Variants in FBXL7 observed in about 807,000 individuals in gnomAD.
FBXL7 encodes F-box and leucine rich repeat protein 7, also known as F-box/LRR-repeat protein 7.
Under a neutral mutation model 38.3 loss-of-function variants are expected in FBXL7, and 12 were observed. The observed-to-expected ratio is 0.31, with a 90% CI of 0.20 to 0.51. The LOEUF is 0.51. FBXL7 is among the 20% of genes least tolerant of loss of function. The pLI is 0.98. For synonymous variants in FBXL7, 297 were observed against 300.9 expected (o/e 0.99, Z 0.13); for missense variants, 567 against 676.4 (o/e 0.84, Z 1.79).
chr5:15,610,309 G>A (rs1035478665), intron 1 of FBXL7, among the ~76,000 whole-genome samples: 1 of 152,126 alleles, frequency 6.6e-6, no homozygotes, highest in Non-Finnish European at 1.5e-5. Context: ...CCCCTCCTGT[G>A]CCTCTCTTGC....
chr5:15,537,481 G>C lies in FBXL7; in HGVS notation c.37+36768G>C, dbSNP rs867674901. On this transcript the variant is annotated intron_variant, in intron 1 of 3. Transcript: ENST00000504595. ...AGCTAAAAAGGATTGTGTTATTGAA[G>C]ATTAAAAGAGAATACAAAAGTGGAT... is the stretch of plus-strand genomic sequence containing the variant. Among the ~76,000 whole-genome samples, 6 of 152,194 alleles carry C rather than the reference G, an allele frequency of 3.9e-5. No homozygotes were observed. In the East Asian group the frequency reaches 9.6e-4, roughly 24 times the overall value.
intron 2 of FBXL7, among the ~76,000 whole-genome samples, chr5:15,640,530 T>C (rs1415680103): frequency 7.0e-6 from 1 of 142,194 alleles, no homozygotes; most frequent in Non-Finnish European, 1.5e-5. Flanking sequence ...TTGTTTTTTT[T>C]TGTTTTTTTT....
At chr5:15,625,419 C>T (rs916646249) in intron 2 of FBXL7, among the ~76,000 whole-genome samples, 3 of 152,152 alleles carry the variant, frequency 2.0e-5, no homozygotes, top group Middle Eastern at 3.4e-3. Context: ...TTTGGGAAGC[C>T]GAGGTGGCCG....
intron 2 of FBXL7, among the ~76,000 whole-genome samples, chr5:15,621,075 A>G (rs1181082627): frequency 6.6e-6 from 1 of 152,176 alleles, no homozygotes; most frequent in Non-Finnish European, 1.5e-5. Flanking sequence ...GTTTTAATTC[A>G]TGAGAGAATG....
At chr5:15,897,929 T>A (rs1339358217) in intron 2 of FBXL7, among the ~76,000 whole-genome samples, 1 of 152,216 alleles carries the variant, frequency 6.6e-6, no homozygotes, top group Non-Finnish European at 1.5e-5. Flanking sequence ...GCCATCACTA[T>A]CAATATATTT....
At chr5:15,508,273 G>A (rs189683581) in intron 1 of FBXL7, among the ~76,000 whole-genome samples, 33 of 152,246 alleles carry the variant, frequency 2.2e-4, no homozygotes, top group African/African-American at 7.7e-4. Flanking sequence ...GGTACTCACA[G>A]TACAGGTTCT....
chr5:15,647,526 G>A (rs1741570364), intron 2 of FBXL7, among the ~76,000 whole-genome samples: 1 of 152,180 alleles, frequency 6.6e-6, no homozygotes, highest in South Asian at 2.1e-4. Flanking sequence ...GGGGAGTGGA[G>A]TGCTAATCCA....
chr5:15,916,168 A>G (rs951839325), intron 2 of FBXL7, among the ~76,000 whole-genome samples: 1 of 152,208 alleles, frequency 6.6e-6, no homozygotes, highest in African/African-American at 2.4e-5. Context: ...CCATGGAATC[A>G]TTCTATGCCT....
chr5:15,864,178 G>C (rs1051280037), intron 2 of FBXL7, among the ~76,000 whole-genome samples: 2 of 151,948 alleles, frequency 1.3e-5, no homozygotes, highest in Non-Finnish European at 2.9e-5. Flanking sequence ...AGTTGTAGGT[G>C]GTTCCCTATC....
In FBXL7 at chr5:15,656,891, A is replaced by G. The variant is rs560594735; in HGVS notation, c.127+40819A>G. The stretch of plus-strand genomic sequence containing the variant: ...ATCAATCTGGAAATGACTTATGTAA[A>G]TTGTAGCCTGTATAGTAGAATCAAA... On this transcript the variant is annotated intron_variant, in intron 2 of 3. Coordinates refer to ENST00000504595, the MANE Select transcript of FBXL7 (RefSeq NM_012304.5). 3.3e-5 allele frequency among the ~76,000 whole-genome samples: 5 copies of G among 152,296 alleles called. No homozygotes were observed. The South Asian group carries it at 6.2e-4, about 19-fold the overall frequency.
At chr5:15,589,610 T>G (rs1739411026) in intron 1 of FBXL7, among the ~76,000 whole-genome samples, 1 of 152,188 alleles carries the variant, frequency 6.6e-6, no homozygotes, top group African/African-American at 2.4e-5. Flanking sequence ...TAATACAGTA[T>G]TTGTGCATAA....
chr5:15,755,630 A>G (rs1386282225), intron 2 of FBXL7, among the ~76,000 whole-genome samples: 1 of 152,222 alleles, frequency 6.6e-6, no homozygotes, highest in Non-Finnish European at 1.5e-5. Context: ...AATTTAACCG[A>G]AAACAGTTTT....
chr5:15,633,672 G>A (rs1210042731), intron 2 of FBXL7, among the ~76,000 whole-genome samples: 2 of 150,964 alleles, frequency 1.3e-5, no homozygotes, highest in Non-Finnish European at 3.0e-5. Flanking sequence ...TGGGTAATAG[G>A]GATTCACTGA....
intron 2 of FBXL7, among the ~76,000 whole-genome samples, chr5:15,722,845 C>T (rs541761646): frequency 6.6e-6 from 1 of 151,454 alleles, no homozygotes; most frequent in Non-Finnish European, 1.5e-5. Context: ...ATCACTTGAA[C>T]CCGGGAAGCG....
chr5:15,595,670 A>C (rs1739606691), intron 1 of FBXL7, among the ~76,000 whole-genome samples: 1 of 152,148 alleles, frequency 6.6e-6, no homozygotes, highest in Non-Finnish European at 1.5e-5. Flanking sequence ...ACCATTTTAT[A>C]AATAAGAACA....
intron 2 of FBXL7, among the ~76,000 whole-genome samples, chr5:15,833,404 T>G (rs1350285467): frequency 1.3e-5 from 2 of 152,174 alleles, no homozygotes; most frequent in Admixed American, 1.3e-4. Context: ...CACCATTTTC[T>G]AATACCATCA....
chr5:15,883,394 C>T (rs1283082460), intron 2 of FBXL7, among the ~76,000 whole-genome samples: 3 of 152,138 alleles, frequency 2.0e-5, no homozygotes, highest in African/African-American at 7.2e-5. Context: ...ATGAGATACT[C>T]GGTGGTTTCT....
chr5:15,935,200 C>T (rs761423222), intron 3 of FBXL7: 1 of 534,746 alleles, frequency 1.9e-6, no homozygotes, highest in Non-Finnish European at 3.8e-6. Flanking sequence ...CCTTGGGAGC[C>T]CTGTTAGACT....
chr5:15,842,127 C>T (rs571105218), intron 2 of FBXL7, among the ~76,000 whole-genome samples: 11 of 152,308 alleles, frequency 7.2e-5, no homozygotes, highest in East Asian at 1.9e-4. Flanking sequence ...AGACACTCAA[C>T]GCCATCAGTG....
Sources: gnomAD v4.1 joint callset for allele counts (sites outside exome capture counted in the v4.1 genomes callset) on GRCh38, gnomAD v4.1.1 for gene constraint, MANE v1.5 for transcripts, NCBI Gene and HGNC (gene_info 2026-07-23, HGNC 2026-07-21) for gene names.